MGST1: variants seen among roughly 807,000 people sequenced by gnomAD.
MGST1 encodes the protein microsomal glutathione S-transferase 1.
In MGST1, 5 loss-of-function variants were observed where a neutral mutation model predicts 8.9. The observed-to-expected ratio is 0.56, with a 90% CI of 0.29 to 1.19. The LOEUF (loss-of-function observed/expected upper bound fraction) is 1.19, where lower values mean the gene tolerates loss of function less well. Ranked by LOEUF, MGST1 falls within the 50% of genes most tolerant of loss-of-function variation. MGST1 has a pLI of 0.08. For synonymous variants in MGST1, 54 were observed against 67.8 expected, an observed-to-expected ratio of 0.80 and a Z score of 1.00; for missense variants, 182 against 187.4, an observed-to-expected ratio of 0.97 and a Z score of 0.17.
intron 1 of MGST1, among the ~76,000 whole-genome samples, chr12:16,426,377 A>G (rs1940889390): frequency 6.6e-6 from 1 of 152,180 alleles, no homozygotes; most frequent in African/African-American, 2.4e-5. Flanking sequence ...GCAAAACTCA[A>G]AGGACAATTC....
At chr12:16,519,499 G>A (rs1941634955) in intron 4 of MGST1, among the ~76,000 whole-genome samples, 1 of 152,180 alleles carries the variant, frequency 6.6e-6, no homozygotes, top group Admixed American at 6.5e-5. Context: ...TGGCATTCAA[G>A]TATATGCACT....
intron 1 of MGST1, chr12:16,399,570 T>C (rs1940635138): frequency 4.4e-6 from 7 of 1,594,786 alleles, no homozygotes; most frequent in Non-Finnish European, 6.0e-6. Context: ...CTCTTCATAG[T>C]CATCTTCTGA....
intron 1 of MGST1, among the ~76,000 whole-genome samples, chr12:16,384,023 AC>A (rs1314039183): frequency 6.6e-6 from 1 of 152,180 alleles, no homozygotes; most frequent in Non-Finnish European, 1.5e-5. Flanking sequence ...ATAGGAATTA[AC>A]ACAGGTGCAA....
chr12:16,406,624 A>G (rs752684954), intron 1 of MGST1, among the ~76,000 whole-genome samples: 1 of 152,368 alleles, frequency 6.6e-6, no homozygotes, highest in South Asian at 2.1e-4. Flanking sequence ...CTAAGCAAAA[A>G]GCTGGAGGCA....
intron 3 of MGST1, among the ~76,000 whole-genome samples, chr12:16,359,338 T>C (rs1337429545): frequency 2.0e-5 from 3 of 152,212 alleles, no homozygotes; most frequent in African/African-American, 4.8e-5. Context: ...TTCTTGCTCA[T>C]GCAAAACAAT....
Position 16,446,016 on chromosome 12 carries a change from A to G in MGST1, n.482+62412A>G, listed in dbSNP as rs145308368. ...TCTAATTGGCATGTATGTCAAAACC[A>G]ATTACACATTTGGGATTTGGGAAAA... On this transcript the variant is annotated intron_variant and non_coding_transcript_variant, in intron 4 of 4. Coordinates refer to the MGST1 transcript ENST00000538857. Among the ~76,000 whole-genome samples the G allele has an allele frequency of 3.4e-3, 523 of 152,060 alleles. 6 individuals carry two copies. The highest frequency in any genetic ancestry group is 0.012 in the African/African-American group (489 of 41,534).
chr12:16,436,140 G>A (rs762081248), intron 1 of MGST1, among the ~76,000 whole-genome samples: 110 of 151,822 alleles, frequency 7.2e-4, no homozygotes, highest in Non-Finnish European at 2.9e-4. Flanking sequence ...CAGGAAAAAG[G>A]CATTTCTAAT....
At chr12:16,371,388 G>T (rs1940290405) in intron 3 of MGST1, among the ~76,000 whole-genome samples, 1 of 151,922 alleles carries the variant, frequency 6.6e-6, no homozygotes, top group African/African-American at 2.4e-5. Flanking sequence ...CACAGAAAAA[G>T]TTTGCATTCC....
At chr12:16,411,909 A>G (rs1434352307) in intron 1 of MGST1, among the ~76,000 whole-genome samples, 2 of 152,126 alleles carry the variant, frequency 1.3e-5, no homozygotes, top group African/African-American at 4.8e-5. Flanking sequence ...AGTTCTCTAC[A>G]CCCGAGGTGA....
intron 4 of MGST1, among the ~76,000 whole-genome samples, chr12:16,474,305 A>C (rs1941306741): frequency 1.3e-5 from 2 of 152,258 alleles, no homozygotes; most frequent in Non-Finnish European, 2.9e-5. Flanking sequence ...GCTTCAGATG[A>C]AGAATTACAA....
At chr12:16,460,383 G>A (rs1448747638) in intron 4 of MGST1, among the ~76,000 whole-genome samples, 4 of 152,066 alleles carry the variant, frequency 2.6e-5, no homozygotes, top group Non-Finnish European at 2.9e-5. Context: ...TAGAGTTCAC[G>A]GAAGGCCAAG....
At chr12:16,473,338 G>T (rs1394663564) in intron 4 of MGST1, among the ~76,000 whole-genome samples, 2 of 152,148 alleles carry the variant, frequency 1.3e-5, no homozygotes, top group African/African-American at 2.4e-5. Context: ...ATGAAGAATT[G>T]TCTTGCCCAC....
intron 4 of MGST1, among the ~76,000 whole-genome samples, chr12:16,572,870 G>A (rs1942862869): frequency 1.3e-5 from 2 of 151,698 alleles, no homozygotes; most frequent in South Asian, 4.1e-4. Context: ...ACCTGCTAAG[G>A]TATTTGATAT....
intron 1 of MGST1, among the ~76,000 whole-genome samples, chr12:16,387,783 C>T (rs1281742357): frequency 6.6e-6 from 1 of 152,024 alleles, no homozygotes; most frequent in Non-Finnish European, 1.5e-5. Context: ...GCCTTGGCCT[C>T]CTGAAGTGCT....
In MGST1 at chr12:16,587,284, A is replaced by G. The variant is rs1011079702; in HGVS notation, n.483-2244A>G. ...AATCACTGGGTGTGCCTAGGATCCA[A>G]TGCTAACAATTTGTTACGCACTGCA... On this transcript the variant is annotated intron_variant and non_coding_transcript_variant, in intron 4 of 4. Transcript: ENST00000538857. This position sits in a 1 kb window ranked among gnomAD's most constrained non-coding sequence, Gnocchi z 4.3. 2.0e-5 allele frequency among the ~76,000 whole-genome samples: 3 copies of G among 152,200 alleles called. No individual in the cohort carries two copies. Among genetic ancestry groups the G allele is most frequent in the African/African-American group, 7.2e-5 (3 of 41,460 alleles).
chr12:16,444,381 C>A (rs921395060), intron 4 of MGST1, among the ~76,000 whole-genome samples: 7 of 151,784 alleles, frequency 4.6e-5, no homozygotes, highest in African/African-American at 1.7e-4. Flanking sequence ...CTGCCCAAGC[C>A]ATTTGCCACT....
At chr12:16,514,521 T>C (rs1803124122) in intron 4 of MGST1, 2 of 263,208 alleles carry the variant, frequency 7.6e-6, no homozygotes, top group South Asian at 8.7e-5. Context: ...TGACATGTTT[T>C]GTTTCACAGG....
At chr12:16,480,946 C>G (rs934303791) in intron 4 of MGST1, among the ~76,000 whole-genome samples, 4 of 152,254 alleles carry the variant, frequency 2.6e-5, no homozygotes, top group African/African-American at 9.6e-5. Context: ...ATTAACAACA[C>G]TTTGAAAATG....
rs1591748858 is a variant in MGST1 at position 16,513,357 on chromosome 12, TCCTGCGTCTG to T, written n.483-76168_483-76159del. 1 of 353,590 alleles carries T rather than the reference TCCTGCGTCTG, an allele frequency of 2.8e-6. No homozygotes were observed. The highest frequency in any genetic ancestry group is 3.9e-5 in the Admixed American group (1 of 25,788). 21.9% of individuals were successfully genotyped at this position (353,590 alleles called of 1,614,324 possible). ...AATTTTATGCTTGCCCTCTGCTCCG[TCCTGCGTCTG>T]CCCACTGCCCTCCTACCGTCCACCA... On this transcript the variant is annotated intron_variant and non_coding_transcript_variant, in intron 4 of 4. Coordinates refer to the MGST1 transcript ENST00000538857. The surrounding 1 kb of genome is among the most constrained non-coding windows in gnomAD (Gnocchi z 4.2).
Sources: gnomAD v4.1 joint callset for allele counts (sites outside exome capture counted in the v4.1 genomes callset) on GRCh38, gnomAD v4.1.1 for gene constraint, Gnocchi (gnomAD v3.1) non-coding constraint, MANE v1.5 for transcripts, NCBI Gene and HGNC (gene_info 2026-07-23, HGNC 2026-07-21) for gene names.